RNF157: variants seen among roughly 807,000 people sequenced by gnomAD.
The protein encoded by RNF157 is E3 ubiquitin ligase RNF157.
In RNF157, 55 loss-of-function variants were observed where a neutral mutation model predicts 88.3. That is an observed-to-expected ratio of 0.62 (90% CI 0.50 to 0.78). RNF157 has a LOEUF of 0.78. RNF157 is among the 30% of genes least tolerant of loss of function. RNF157 has a pLI of 0.00. For synonymous variants in RNF157, 334 were observed against 341.2 expected, an observed-to-expected ratio of 0.98 and a Z score of 0.23; for missense variants, 788 against 860.8, an observed-to-expected ratio of 0.92 and a Z score of 1.06.
intron 2 of RNF157, among the ~76,000 whole-genome samples, chr17:76,201,301 C>T (rs1330314581): frequency 8.5e-6 from 1 of 117,980 alleles, no homozygotes; most frequent in Non-Finnish European, 1.7e-5. Context: ...GCCTTGGCAA[C>T]ATAGTGAGAC....
intron 2 of RNF157, among the ~76,000 whole-genome samples, chr17:76,200,099 G>A (rs1036723896): frequency 2.6e-5 from 4 of 152,002 alleles, no homozygotes; most frequent in African/African-American, 4.8e-5. Context: ...AAAATTAGCC[G>A]GGTGTGGTGG....
chr17:76,150,826 G>A (rs943297581), intron 18 of RNF157, among the ~76,000 whole-genome samples: 4 of 152,202 alleles, frequency 2.6e-5, no homozygotes, highest in East Asian at 1.9e-4. Flanking sequence ...AGCCCCACGC[G>A]AGCGCCTCCC....
At position 76,160,607 on chromosome 17, in the gene RNF157, G is replaced by C. The variant is rs1181350107; in HGVS notation, c.1065+928C>G. Among the ~76,000 whole-genome samples, 1 of 151,976 alleles carries C rather than the reference G, an allele frequency of 6.6e-6. No individual in the cohort carries two copies. The highest frequency in any genetic ancestry group is 6.6e-5 in the Admixed American group (1 of 15,262). On this transcript the variant is annotated intron_variant, in intron 11 of 18. Transcript: ENST00000269391. The surrounding 1 kb of genome is among the most constrained non-coding windows in gnomAD (Gnocchi z 4.3). ...TATGCCCTTTGCCCTTTTATCTACT[G>C]TTTTATTCAATATGAACTATGGCAA...
intron 2 of RNF157, among the ~76,000 whole-genome samples, chr17:76,186,619 T>C (rs1037472602): frequency 6.6e-6 from 1 of 152,090 alleles, no homozygotes; most frequent in African/African-American, 2.4e-5. Flanking sequence ...AAGGAAAATA[T>C]GCTCTGAGGT....
At chr17:76,193,303 A>C (rs531625527) in intron 2 of RNF157, among the ~76,000 whole-genome samples, 1 of 152,350 alleles carries the variant, frequency 6.6e-6, no homozygotes, top group Admixed American at 6.5e-5. Flanking sequence ...ATCCTTAGTG[A>C]TTAGCATTAG....
At chr17:76,156,362 G>A (rs770724855) in intron 13 of RNF157, 41 bp from the exon 14 acceptor site, 11 of 1,612,692 alleles carry the variant, frequency 6.8e-6, no homozygotes, top group African/African-American at 1.3e-5. Context: ...TGGAGCAAGC[G>A]CCAGTCACCT....
At position 76,152,376 on chromosome 17, in the gene RNF157, A is replaced by AC; in HGVS notation, c.1899dup (p.Cys634ValfsTer3). 6.2e-7 allele frequency: 1 copy of AC among 1,611,244 alleles called. No individual in the cohort carries two copies. On this transcript the variant is annotated frameshift_variant, in exon 18 of 19. Transcript: ENST00000269391. LOFTEE classifies it high-confidence loss of function. Reference sequence around the variant, plus strand: ...TCACCAGGTAAGCAGACCTCAGAGCACAGCTTATTGTCCAGTGCTTTCACG... The same window carrying AC: ...TCACCAGGTAAGCAGACCTCAGAGCACCAGCTTATTGTCCAGTGCTTTCACG...
chr17:76,189,095 A>C (rs2069340604), intron 2 of RNF157, among the ~76,000 whole-genome samples: 1 of 152,256 alleles, frequency 6.6e-6, no homozygotes, highest in Admixed American at 6.5e-5. Context: ...GAGATGAAGG[A>C]AACATGAGAA....
intron 2 of RNF157, among the ~76,000 whole-genome samples, chr17:76,194,956 A>G (rs1201212714): frequency 1.3e-5 from 2 of 152,176 alleles, no homozygotes; most frequent in African/African-American, 2.4e-5. Flanking sequence ...TGGAGTTTAC[A>G]GTGAGCCGAG....
At chr17:76,217,288 T>C (rs994712458) in intron 1 of RNF157, among the ~76,000 whole-genome samples, 2 of 152,048 alleles carry the variant, frequency 1.3e-5, no homozygotes, top group African/African-American at 4.8e-5. Context: ...GGATTACAGG[T>C]GTGAGCCACC....
intron 6 of RNF157, among the ~76,000 whole-genome samples, chr17:76,166,017 C>A (rs946896933): frequency 3.3e-5 from 5 of 151,186 alleles, no homozygotes; most frequent in Admixed American, 2.6e-4. Flanking sequence ...CTCTGTCACC[C>A]AGGCTGGAGT....
At chr17:76,180,564 C>T (rs2069173511) in intron 2 of RNF157, among the ~76,000 whole-genome samples, 1 of 152,116 alleles carries the variant, frequency 6.6e-6, no homozygotes. Flanking sequence ...TTTTGTCCCC[C>T]ATTTTACTTT....
intron 1 of RNF157, among the ~76,000 whole-genome samples, chr17:76,218,193 C>T (rs1598438135): frequency 1.3e-5 from 2 of 152,104 alleles, no homozygotes; most frequent in African/African-American, 2.4e-5. Flanking sequence ...GAAAGAAAGG[C>T]ACCCAGGCAA....
At chr17:76,172,694 T>C in intron 3 of RNF157, among the ~76,000 whole-genome samples, 1 of 144,840 alleles carries the variant, frequency 6.9e-6, no homozygotes, top group Non-Finnish European at 1.5e-5. Flanking sequence ...GTAATGCTAA[T>C]AAGGCTGTTC....
chr17:76,175,415 G>A (rs1311892181), intron 2 of RNF157, among the ~76,000 whole-genome samples: 1 of 151,962 alleles, frequency 6.6e-6, no homozygotes, highest in Non-Finnish European at 1.5e-5. Flanking sequence ...AAATTATTTT[G>A]CCAAACAGTT....
rs766004312 is a variant in RNF157, at chr17:76,145,255, A to C, written c.2020T>G (p.Trp674Gly). Residue 674 changes from tryptophan to glycine, a missense_variant, in exon 19 of 19, where the codon TGG becomes GGG. Coordinates refer to ENST00000269391, the MANE Select transcript of RNF157 (RefSeq NM_052916.3). ...LEDSETRPCV[W>G]GPLAV ...GGGGCTCAGACAGCCAAAGGGCCCCACACACAGGGCCTCGTCTCAGAGTCC... is the reference window on the plus strand; with the variant it reads ...GGGGCTCAGACAGCCAAAGGGCCCCCCACACAGGGCCTCGTCTCAGAGTCC... 3.7e-6 allele frequency: 6 copies of C among 1,606,150 alleles called. No homozygotes were observed. Among genetic ancestry groups the C allele is most frequent in the Non-Finnish European group, 5.1e-6 (6 of 1,176,694 alleles).
At chr17:76,215,474 GA>G (rs1052531074) in intron 1 of RNF157, among the ~76,000 whole-genome samples, 4 of 44,448 alleles carry the variant, frequency 9.0e-5, no homozygotes, top group African/African-American at 1.8e-4. Flanking sequence ...CCCTCTCTAA[GA>G]AAAAAAAAAG....
At chr17:76,172,155 G>A (rs2069024214) in intron 3 of RNF157, among the ~76,000 whole-genome samples, 1 of 151,868 alleles carries the variant, frequency 6.6e-6, no homozygotes, top group Non-Finnish European at 1.5e-5. Flanking sequence ...GAAACTTCAG[G>A]GACAAATAAA....
rs2068564504 is a variant in RNF157, at chr17:76,145,091, G to A, written c.*144C>T. The A allele has an allele frequency of 1.7e-6, 1 of 596,790 alleles. No individual in the cohort carries two copies. Among genetic ancestry groups the A allele is most frequent in the South Asian group, 2.2e-5 (1 of 45,232 alleles). The allele number at this position is 596,790 out of a possible 1,614,324, so 37.0% of individuals were successfully genotyped here. On this transcript the variant is annotated 3_prime_UTR_variant, in exon 19 of 19. Coordinates refer to ENST00000269391, the MANE Select transcript of RNF157 (RefSeq NM_052916.3). The stretch of plus-strand genomic sequence containing the variant: ...GGTTCCAGTTCCCTCTGAGAGGTGA[G>A]GGATTGTGGTTACAGGTTGTAACAG...
Sources: gnomAD v4.1 joint callset for allele counts (sites outside exome capture counted in the v4.1 genomes callset) on GRCh38, gnomAD v4.1.1 for gene constraint, Gnocchi (gnomAD v3.1) non-coding constraint, MANE v1.5 for transcripts, NCBI Gene and HGNC (gene_info 2026-07-23, HGNC 2026-07-21) for gene names.